The following AP3B2 variants were observed in gnomAD, a reference collection of about 807,000 sequenced individuals.
AP3B2 encodes AP-3 complex subunit beta-2.
A neutral mutation model predicts 126.9 loss-of-function variants in AP3B2; 50 were observed. The observed-to-expected ratio is 0.39, with a 90% confidence interval of 0.31 to 0.50. The LOEUF (loss-of-function observed/expected upper bound fraction) is 0.50, where lower values mean the gene tolerates loss of function less well. Among genes scored for constraint, AP3B2 ranks in the 20% least tolerant of loss-of-function variants. AP3B2 has a pLI of 0.79. For missense variants in AP3B2, 1,177 were observed against 1,426.4 expected, an observed-to-expected ratio of 0.83 and a Z score of 2.82; for synonymous variants, 541 against 565.0, an observed-to-expected ratio of 0.96 and a Z score of 0.60.
Position 82,665,079 on chromosome 15 carries a change from G to T in AP3B2, c.2029-136C>A. On this transcript the variant is annotated intron_variant, in intron 17 of 26. Coordinates refer to ENST00000535359, the MANE Select transcript of AP3B2 (RefSeq NM_001278512.2). The surrounding 1 kb of genome is among the most constrained non-coding windows in gnomAD (Gnocchi z 4.4). Reference sequence around the variant, plus strand: ...TCCCACAAAGGGAATAACAGAGGAGGAAGAAAGGGGCACTGTCCATGGAGG... The same window carrying T: ...TCCCACAAAGGGAATAACAGAGGAGTAAGAAAGGGGCACTGTCCATGGAGG... 2.0e-6 allele frequency: 2 copies of T among 1,022,608 alleles called. No individual in the cohort carries two copies. Among genetic ancestry groups the T allele is most frequent in the Non-Finnish European group, 2.9e-6 (2 of 686,394 alleles). The allele number at this position is 1,022,608 out of a possible 1,614,324, so 63.3% of individuals were successfully genotyped here. A position where few individuals can be genotyped will look rare whatever the true frequency, so the allele number is the denominator to read the frequency against.
At chr15:82,695,560 AGGTGCCTGGAGGGTGT>A (rs1199963725) in intron 1 of AP3B2, among the ~76,000 whole-genome samples, 3 of 152,130 alleles carry the variant, frequency 2.0e-5, no homozygotes, top group African/African-American at 7.2e-5. Context: ...GAACATGTGA[AGGTGCCTGGAGGGTGT>A]GGTGCCTGGA....
chr15:82,671,270 G>A (rs967627435), intron 14 of AP3B2, among the ~76,000 whole-genome samples: 1 of 151,908 alleles, frequency 6.6e-6, no homozygotes, highest in African/African-American at 2.4e-5. Context: ...GGGTGACAGA[G>A]CAAGACTCCG....
At chr15:82,663,294 G>C in intron 21 of AP3B2, 61 bp from the exon 22 acceptor site, 2 of 1,346,848 alleles carry the variant, frequency 1.5e-6, no homozygotes, top group Non-Finnish European at 2.1e-6. Context: ...TGAGCAGGGA[G>C]CCTAGGGATC....
chr15:82,679,657 C>A, intron 10 of AP3B2, 72 bp downstream of exon 10: 2 of 1,378,066 alleles, frequency 1.5e-6, no homozygotes, highest in Non-Finnish European at 2.0e-6. Context: ...AGGGGGGCCA[C>A]TGTGAGTTAT....
At position 82,664,115 on chromosome 15, in the gene AP3B2, G is replaced by A; in HGVS notation, c.2262-140C>T. The A allele has an allele frequency of 7.1e-7, 1 of 1,404,942 alleles. No individual in the cohort carries two copies. Among genetic ancestry groups the A allele is most frequent in the Non-Finnish European group, 9.4e-7 (1 of 1,066,518 alleles). The allele number at this position is 1,404,942 out of a possible 1,614,324, so 87.0% of individuals were successfully genotyped here. A position where few individuals can be genotyped will look rare whatever the true frequency, so the allele number is the denominator to read the frequency against. On this transcript the variant is annotated intron_variant, in intron 19 of 26. Transcript: ENST00000535359. This position sits in a 1 kb window ranked among gnomAD's most constrained non-coding sequence, Gnocchi z 4.5. Reference sequence around the variant, plus strand: ...GTTCACACCTGAGGTCCTATAGCAGGGACCCCGTGAGAGCTTGAAGCCAGC... The same window carrying A: ...GTTCACACCTGAGGTCCTATAGCAGAGACCCCGTGAGAGCTTGAAGCCAGC...
In AP3B2 at chr15:82,678,161, C is replaced by T. The variant is rs373292155; in HGVS notation, c.1189G>A (p.Val397Met). ...GTCTCATTGGCCAGGTTGGTCAGCA[C>T]TTCCAGCTGCAGGGAGGGTTGGAGA... ...PTQIKILKLEVLTNLANETNI... is the reference protein window; with the variant it reads ...PTQIKILKLEMLTNLANETNI... Residue 397 changes from valine (V) to methionine (M), a missense_variant, in exon 11 of 27, where the codon GTG becomes ATG. By Grantham distance (21) the Val-to-Met change is conservative. This residue lies in a region of AP3B2 where 308 missense variants were observed against 452.4 expected (regional missense o/e 0.68). Coordinates refer to ENST00000535359, the MANE Select transcript of AP3B2 (RefSeq NM_001278512.2). 13 of 1,613,734 alleles carry T rather than the reference C, an allele frequency of 8.1e-6. No individual in the cohort carries two copies. The East Asian group carries it at 8.9e-5, about 11-fold the overall frequency.
At chr15:82,703,030 T>G (rs890939713) in intron 1 of AP3B2, among the ~76,000 whole-genome samples, 3 of 152,196 alleles carry the variant, frequency 2.0e-5, no homozygotes, top group African/African-American at 7.2e-5. Context: ...TCTCTTAATT[T>G]CGGTTCCTTT....
In AP3B2 at chr15:82,690,211, C is replaced by T. The variant is rs72753920; in HGVS notation, c.114-758G>A. On this transcript the variant is annotated intron_variant, in intron 1 of 26. Transcript: ENST00000535359. Reference sequence around the variant, plus strand: ...GTGAGACAATTCATTTCTGCTGTTCCAACCAACCCAATTGTTGTACTTTTT... The same window carrying T: ...GTGAGACAATTCATTTCTGCTGTTCTAACCAACCCAATTGTTGTACTTTTT... Among the ~76,000 whole-genome samples, 1,150 of 152,072 alleles carry T rather than the reference C, an allele frequency of 7.6e-3. 13 individuals are homozygous for T. The highest frequency in any genetic ancestry group is 8.4e-3 in the Non-Finnish European group (570 of 67,982).
chr15:82,709,150 G>C (rs2048839211), intron 1 of AP3B2, among the ~76,000 whole-genome samples: 1 of 152,056 alleles, frequency 6.6e-6, no homozygotes, highest in Non-Finnish European at 1.5e-5. Flanking sequence ...GGCCAAGCTG[G>C]GAGGCTGTGC....
At chr15:82,677,883 T>C in intron 11 of AP3B2, 80 bp from the exon 12 acceptor site, 1 of 1,486,864 alleles carries the variant, frequency 6.7e-7, no homozygotes, top group Non-Finnish European at 9.0e-7. Context: ...GCCTTTCATT[T>C]TATGGCTTAT....
chr15:82,665,614 G>T lies in AP3B2; in HGVS notation c.1853-39C>A. 6.6e-7 allele frequency: 1 copy of T among 1,518,654 alleles called. No homozygotes were observed. The highest frequency in any genetic ancestry group is 9.1e-7 in the Non-Finnish European group (1 of 1,096,976). 94.1% of individuals were successfully genotyped at this position (1,518,654 alleles called of 1,614,324 possible). A position where few individuals can be genotyped will look rare whatever the true frequency, so the allele number is the denominator to read the frequency against. Reference sequence around the variant, plus strand: ...TAGAGGTCAGGCAGGTAGCAGCAGTGAGGGAAAGCTCTGGGAGCTGTTTTC... The same window carrying T: ...TAGAGGTCAGGCAGGTAGCAGCAGTTAGGGAAAGCTCTGGGAGCTGTTTTC... On this transcript the variant is annotated intron_variant, in intron 15 of 26. Transcript: ENST00000535359. The surrounding 1 kb of genome is among the most constrained non-coding windows in gnomAD (Gnocchi z 4.4).
intron 24 of AP3B2, 75 bp from the exon 25 acceptor site, chr15:82,661,997 C>T: frequency 6.9e-7 from 1 of 1,443,348 alleles, no homozygotes; most frequent in Admixed American, 1.9e-5. Flanking sequence ...TGTGTAGAGG[C>T]ACAGCTTGGA....
chr15:82,675,803 A>T (rs2048232658), intron 14 of AP3B2, among the ~76,000 whole-genome samples: 1 of 152,098 alleles, frequency 6.6e-6, no homozygotes, highest in African/African-American at 2.4e-5. Context: ...TGAGTGGGAG[A>T]GTGTGGAAAT....
chr15:82,692,685 A>C (rs1224505501), intron 1 of AP3B2: 2 of 154,132 alleles, frequency 1.3e-5, no homozygotes, highest in African/African-American at 2.4e-5. Flanking sequence ...GACCAAACTG[A>C]TTCCAGGGAC....
intron 1 of AP3B2, among the ~76,000 whole-genome samples, chr15:82,701,325 C>T (rs973105573): frequency 1.3e-5 from 2 of 152,158 alleles, no homozygotes; most frequent in African/African-American, 4.8e-5. Context: ...TCCCACCAAT[C>T]GCTCCTTCCC....
Position 82,680,334 on chromosome 15 carries a change from CGGAGGGCAGGACTACGGTCAGTGT to C in AP3B2, c.1055+114_1056-106del, listed in dbSNP as rs1201572549. On this transcript the variant is annotated intron_variant, in intron 8 of 26. Coordinates refer to ENST00000535359, the MANE Select transcript of AP3B2 (RefSeq NM_001278512.2). This position sits in a 1 kb window ranked among gnomAD's most constrained non-coding sequence, Gnocchi z 6.1. ...AGTCGTTGCGGGGAGAGGACCAGTG[CGGAGGGCAGGACTACGGTCAGTGT>C]GGAGCGGGTGGGCAGAGGTGGAAGC... 4.7e-4 allele frequency: 732 copies of C among 1,549,472 alleles called. No homozygotes were observed. Among genetic ancestry groups the C allele is most frequent in the Non-Finnish European group, 5.8e-4 (666 of 1,141,576 alleles).
chr15:82,709,693 G>C lies in AP3B2; in HGVS notation c.14C>G (p.Pro5Arg). The change falls in exon 1 of 27, where the codon CCC (proline) becomes CGC (arginine). Residue 5 changes from proline to arginine, a missense_variant. Transcript: ENST00000535359. ...GCCGCCCTTGTCTTCGCTGTAGGCGGGGGCGGCCGACATGGGGCGGCCAGG... is the reference window on the plus strand; with the variant it reads ...GCCGCCCTTGTCTTCGCTGTAGGCGCGGGCGGCCGACATGGGGCGGCCAGG... MSAA[P>R]AYSEDKGGSA... 1 of 1,494,972 alleles carries C rather than the reference G, an allele frequency of 6.7e-7. No homozygotes were observed. Among genetic ancestry groups the C allele is most frequent in the Non-Finnish European group, 8.9e-7 (1 of 1,123,718 alleles). The allele number at this position is 1,494,972 out of a possible 1,614,324, so 92.6% of individuals were successfully genotyped here. A position where few individuals can be genotyped will look rare whatever the true frequency, so the allele number is the denominator to read the frequency against.
At chr15:82,704,474 A>C (rs113438247) in intron 1 of AP3B2, among the ~76,000 whole-genome samples, 1 of 152,340 alleles carries the variant, frequency 6.6e-6, no homozygotes, top group African/African-American at 2.4e-5. Context: ...AAAATGCCTA[A>C]GCTGCAGCAG....
intron 10 of AP3B2, among the ~76,000 whole-genome samples, chr15:82,678,835 CA>C: frequency 6.6e-6 from 1 of 152,362 alleles, no homozygotes; most frequent in African/African-American, 2.4e-5. Context: ...TCCACAAAGG[CA>C]GGGTCCCTGA....
Sources: gnomAD v4.1 joint callset for allele counts (sites outside exome capture counted in the v4.1 genomes callset) on GRCh38, gnomAD v4.1.1 for gene constraint, gnomAD v4.1.1 regional missense constraint, Gnocchi (gnomAD v3.1) non-coding constraint, MANE v1.5 for transcripts, NCBI Gene and HGNC (gene_info 2026-07-23, HGNC 2026-07-21) for gene names.